The following CTNND2 variants were observed in gnomAD, a reference collection of about 807,000 sequenced individuals.
CTNND2 encodes the protein catenin delta 2.
Under a neutral mutation model 144.4 loss-of-function variants are expected in CTNND2, and 22 were observed. The observed-to-expected ratio is 0.15, with a 90% CI of 0.11 to 0.22. CTNND2 has a LOEUF of 0.22. Among genes scored for constraint, CTNND2 ranks in the 10% least tolerant of loss-of-function variants. The probability of loss-of-function intolerance (pLI) is 1.00; values close to 1 mark genes in which losing one functional copy is unlikely to be tolerated. For missense variants in CTNND2, 1,353 were observed against 1,618.8 expected, an observed-to-expected ratio of 0.84 and a Z score of 2.82; for synonymous variants, 751 against 695.6, an observed-to-expected ratio of 1.08 and a Z score of -1.25.
chr5:11,149,984 C>G (rs1757595324), intron 12 of CTNND2, among the ~76,000 whole-genome samples: 1 of 152,168 alleles, frequency 6.6e-6, no homozygotes, highest in Admixed American at 6.5e-5. Context: ...CTTTTACTTT[C>G]AATTGCTTCT....
chr5:11,283,716 A>C, intron 9 of CTNND2, among the ~76,000 whole-genome samples: 1 of 143,534 alleles, frequency 7.0e-6, no homozygotes, highest in Non-Finnish European at 1.5e-5. Context: ...AGAGAGAGAC[A>C]TGGGAATCTG....
rs563284231 is a variant in CTNND2, at chr5:11,262,686, C to T, written c.1629-25863G>A. Among the ~76,000 whole-genome samples, 221 of 144,726 alleles carry T rather than the reference C, an allele frequency of 1.5e-3. 1 individual carries two copies. Among genetic ancestry groups the T allele is most frequent in the Non-Finnish European group, 2.5e-3 (164 of 66,810 alleles). The allele number at this position is 144,726 out of a possible 152,430, so 94.9% of individuals were successfully genotyped here. On this transcript the variant is annotated intron_variant, in intron 9 of 21. Coordinates refer to ENST00000304623, the MANE Select transcript of CTNND2 (RefSeq NM_001332.4). The stretch of plus-strand genomic sequence containing the variant: ...CTGAAGCAGGAGAATGGCGTGAACC[C>T]AGGAGGCAGAGGTTGCAGTGAGTCG...
intron 3 of CTNND2, among the ~76,000 whole-genome samples, chr5:11,419,781 A>G (rs535604539): frequency 6.6e-6 from 1 of 152,328 alleles, no homozygotes; most frequent in African/African-American, 2.4e-5. Context: ...AAAAGACACA[A>G]AGCAAACCAT....
At chr5:11,877,710 C>A (rs746351065) in intron 1 of CTNND2, among the ~76,000 whole-genome samples, 1 of 52,546 alleles carries the variant, frequency 1.9e-5, no homozygotes, top group Admixed American at 2.8e-4. Context: ...TAGTTGTCGA[C>A]AGCACCATCA....
intron 9 of CTNND2, among the ~76,000 whole-genome samples, chr5:11,285,850 G>A (rs1490615752): frequency 1.5e-5 from 1 of 65,934 alleles, no homozygotes; most frequent in Non-Finnish European, 3.6e-5. Flanking sequence ...AGGAACTGAG[G>A]GAGAGTGCAC....
chr5:11,122,141 CA>C (rs1421740093), intron 12 of CTNND2, among the ~76,000 whole-genome samples: 2 of 151,478 alleles, frequency 1.3e-5, no homozygotes, highest in Admixed American at 1.3e-4. Flanking sequence ...TCTATGCTTA[CA>C]GAATAAATAT....
At chr5:11,545,875 A>G (rs951152651) in intron 3 of CTNND2, among the ~76,000 whole-genome samples, 3 of 152,160 alleles carry the variant, frequency 2.0e-5, no homozygotes, top group African/African-American at 7.2e-5. Context: ...CAACTAGTGG[A>G]TTTATGTCAT....
At chr5:11,062,248 T>C (rs1238910552) in intron 16 of CTNND2, among the ~76,000 whole-genome samples, 1 of 152,268 alleles carries the variant, frequency 6.6e-6, no homozygotes, top group Non-Finnish European at 1.5e-5. Context: ...AATAATCACA[T>C]TAGACTTTCA....
intron 2 of CTNND2, among the ~76,000 whole-genome samples, chr5:11,712,749 C>A (rs972708162): frequency 6.6e-6 from 1 of 152,024 alleles, no homozygotes; most frequent in Non-Finnish European, 1.5e-5. Context: ...GTCGTTCATC[C>A]TAGAAATCAG....
At chr5:11,694,829 T>C (rs1336850742) in intron 2 of CTNND2, among the ~76,000 whole-genome samples, 1 of 152,140 alleles carries the variant, frequency 6.6e-6, no homozygotes, top group Non-Finnish European at 1.5e-5. Flanking sequence ...ACCCAATCAG[T>C]ACGTGCTGAA....
At chr5:11,547,881 C>A (rs1183593112) in intron 3 of CTNND2, among the ~76,000 whole-genome samples, 2 of 152,334 alleles carry the variant, frequency 1.3e-5, no homozygotes, top group Non-Finnish European at 1.5e-5. Flanking sequence ...CCAGTCATTT[C>A]TCTTCTGTGC....
chr5:11,233,772 C>A (rs1415347141), intron 10 of CTNND2, among the ~76,000 whole-genome samples: 1 of 151,616 alleles, frequency 6.6e-6, no homozygotes, highest in South Asian at 2.1e-4. Context: ...ATATGCACGC[C>A]TCCCTATGTG....
At chr5:11,119,838 A>T (rs1165064157) in intron 12 of CTNND2, among the ~76,000 whole-genome samples, 1 of 152,136 alleles carries the variant, frequency 6.6e-6, no homozygotes, top group Non-Finnish European at 1.5e-5. Flanking sequence ...TCTGAAAAAA[A>T]CCCTCTGCAG....
At chr5:11,537,177 C>A (rs780574156) in intron 3 of CTNND2, among the ~76,000 whole-genome samples, 4 of 151,942 alleles carry the variant, frequency 2.6e-5, no homozygotes, top group Admixed American at 6.6e-5. Flanking sequence ...GATACGAATT[C>A]CTAGTGGATT....
chr5:11,631,115 G>A (rs1043892586), intron 2 of CTNND2, among the ~76,000 whole-genome samples: 2 of 152,088 alleles, frequency 1.3e-5, no homozygotes, highest in African/African-American at 4.8e-5. Context: ...TGGGGGAAAA[G>A]AAAGTCCATT....
In CTNND2 at chr5:11,757,602, C is replaced by T. The variant is rs140866180; in HGVS notation, c.38-25330G>A. On this transcript the variant is annotated intron_variant, in intron 1 of 21. Coordinates refer to ENST00000304623, the MANE Select transcript of CTNND2 (RefSeq NM_001332.4). ...ACATAAAGGAATGCCAAATTACATG[C>T]CCTTTGGCAAACAGAGATATGAGTC... Among the ~76,000 whole-genome samples, 35 of 152,030 alleles carry T rather than the reference C, an allele frequency of 2.3e-4. No individual in the cohort carries two copies. The East Asian group carries it at 5.8e-3, about 25-fold the overall frequency.
intron 8 of CTNND2, among the ~76,000 whole-genome samples, chr5:11,359,544 T>C (rs1756234631): frequency 6.6e-6 from 1 of 152,194 alleles, no homozygotes; most frequent in African/African-American, 2.4e-5. Flanking sequence ...CCTTTCACCT[T>C]TTCCTAGGCT....
intron 1 of CTNND2, among the ~76,000 whole-genome samples, chr5:11,857,425 A>G (rs937425236): frequency 1.3e-5 from 2 of 152,212 alleles, no homozygotes; most frequent in Non-Finnish European, 2.9e-5. Flanking sequence ...AGGGTGTGTC[A>G]GCAGGCCGTG....
At chr5:11,138,319 C>A (rs1406194636) in intron 12 of CTNND2, among the ~76,000 whole-genome samples, 3 of 152,148 alleles carry the variant, frequency 2.0e-5, no homozygotes, top group African/African-American at 7.2e-5. Context: ...TGGTTCTTAA[C>A]CCTATTCACG....
Sources: allele counts gnomAD v4.1 joint callset (sites outside exome capture counted in the v4.1 genomes callset), GRCh38; gene constraint gnomAD v4.1.1; transcripts MANE v1.5; gene names NCBI Gene and HGNC (gene_info 2026-07-23, HGNC 2026-07-21).